The following PIP5K1A variants were observed in gnomAD, a reference collection of about 807,000 sequenced individuals.
PIP5K1A encodes the protein phosphatidylinositol 4-phosphate 5-kinase type-1 alpha.
In PIP5K1A, 46 loss-of-function variants were observed where a neutral mutation model predicts 72.9. The ratio of observed to expected loss-of-function variants is 0.63; its 90% confidence interval spans 0.50 to 0.81. The LOEUF (loss-of-function observed/expected upper bound fraction) is 0.81, where lower values mean the gene tolerates loss of function less well. Ranked by LOEUF, PIP5K1A falls within the 30% of genes least tolerant of loss-of-function variation. The probability of loss-of-function intolerance (pLI) is 0.00; values close to 1 mark genes in which losing one functional copy is unlikely to be tolerated. For missense variants in PIP5K1A, 458 were observed against 706.1 expected, an observed-to-expected ratio of 0.65 and a Z score of 3.98; for synonymous variants, 228 against 255.1, an observed-to-expected ratio of 0.89 and a Z score of 1.01.
At chr1:151,223,076 C>T (rs934901482) in intron 1 of PIP5K1A, among the ~76,000 whole-genome samples, 5 of 151,970 alleles carry the variant, frequency 3.3e-5, no homozygotes, top group Admixed American at 2.6e-4. Flanking sequence ...ATTAGCCAGG[C>T]GCAGTGGCTC....
chr1:151,198,883 G>C lies in PIP5K1A; in HGVS notation c.-114G>C. On this transcript the variant is annotated 5_prime_UTR_variant, in exon 1 of 16. Transcript: ENST00000368888. ...AGGGAGGCCCCGGAGGGGGCGGGGAGGTGGCCCACAGAACGCGGGTTCTGT... is the reference window on the plus strand; with the variant it reads ...AGGGAGGCCCCGGAGGGGGCGGGGACGTGGCCCACAGAACGCGGGTTCTGT... 1 of 1,013,370 alleles carries C rather than the reference G, an allele frequency of 9.9e-7. No homozygotes were observed. The highest frequency in any genetic ancestry group is 1.4e-5 in the South Asian group (1 of 72,138). The allele number at this position is 1,013,370 out of a possible 1,614,324, so 62.8% of individuals were successfully genotyped here.
intron 1 of PIP5K1A, among the ~76,000 whole-genome samples, chr1:151,219,429 A>G (rs1484552087): frequency 6.6e-6 from 1 of 150,972 alleles, no homozygotes; most frequent in Non-Finnish European, 1.5e-5. Flanking sequence ...GCTCATGCCT[A>G]TAATCCCAGC....
At chr1:151,214,632 C>T (rs997023641) in intron 1 of PIP5K1A, among the ~76,000 whole-genome samples, 5 of 151,898 alleles carry the variant, frequency 3.3e-5, no homozygotes, top group African/African-American at 4.8e-5. Context: ...CCGCTTGCCT[C>T]AGCCTCCCAA....
intron 7 of PIP5K1A, chr1:151,233,364 C>G (rs948344522): frequency 6.6e-6 from 1 of 152,152 alleles, no homozygotes; most frequent in Admixed American, 6.6e-5. Context: ...AGTACAGTTG[C>G]ACAATCTCGG....
At chr1:151,234,136 T>G in intron 7 of PIP5K1A, 61 bp from the exon 8 acceptor site, 1 of 1,323,868 alleles carries the variant, frequency 7.6e-7, no homozygotes, top group Non-Finnish European at 1.1e-6. Flanking sequence ...CTTTTACTGG[T>G]GAGTTTCACT....
chr1:151,229,502 C>T (rs1420449407), intron 4 of PIP5K1A, among the ~76,000 whole-genome samples: 7 of 151,368 alleles, frequency 4.6e-5, no homozygotes, highest in African/African-American at 1.7e-4. Context: ...GCTGGGATTA[C>T]AGGCATGCAC....
chr1:151,241,996 A>G, intron 12 of PIP5K1A, 127 bp from the exon 13 acceptor site: 1 of 846,470 alleles, frequency 1.2e-6, no homozygotes, highest in Non-Finnish European at 1.9e-6. Context: ...CTTTGTTGAC[A>G]TTAGCCTTTT....
chr1:151,216,256 G>A (rs1036318375), intron 1 of PIP5K1A, among the ~76,000 whole-genome samples: 15 of 151,890 alleles, frequency 9.9e-5, no homozygotes, highest in Admixed American at 9.9e-4. Context: ...GGCTGAGACA[G>A]GAGAATGGCG....
At chr1:151,211,044 G>A (rs1316144308) in intron 1 of PIP5K1A, among the ~76,000 whole-genome samples, 1 of 152,170 alleles carries the variant, frequency 6.6e-6, no homozygotes, top group Non-Finnish European at 1.5e-5. Flanking sequence ...TCAAACATTA[G>A]AGTCAGTCAC....
intron 14 of PIP5K1A, among the ~76,000 whole-genome samples, chr1:151,243,662 A>T (rs1389818897): frequency 6.6e-6 from 1 of 152,008 alleles, no homozygotes; most frequent in Non-Finnish European, 1.5e-5. Context: ...TCAAAGCTAG[A>T]GTGTGTTTTT....
chr1:151,236,395 G>T (rs1007202652), intron 8 of PIP5K1A, among the ~76,000 whole-genome samples, 163 bp from the exon 9 acceptor site: 1 of 152,080 alleles, frequency 6.6e-6, no homozygotes, highest in Non-Finnish European at 1.5e-5. Context: ...TGGATATTTT[G>T]AGCCTGGGAG....
chr1:151,215,621 C>G (rs914819905), intron 1 of PIP5K1A, among the ~76,000 whole-genome samples: 2 of 152,134 alleles, frequency 1.3e-5, no homozygotes, highest in Admixed American at 6.6e-5. Context: ...CCTCTGCGCC[C>G]GGCATTCTTT....
chr1:151,198,802 A>G lies in PIP5K1A; in HGVS notation c.-195A>G, dbSNP rs1040680143. On this transcript the variant is annotated 5_prime_UTR_variant, in exon 1 of 16. It removes an upstream start codon present in the reference 5' UTR. Transcript: ENST00000368888. Reference sequence around the variant, plus strand: ...GGGTGCGGGACGTGAGTTCTTCCCCATGCCAGGCGAATGGTGTGGCCTTGA... The same window carrying G: ...GGGTGCGGGACGTGAGTTCTTCCCCGTGCCAGGCGAATGGTGTGGCCTTGA... 9 of 658,864 alleles carry G rather than the reference A, an allele frequency of 1.4e-5. No individual in the cohort carries two copies. Among genetic ancestry groups the G allele is most frequent in the African/African-American group, 1.1e-4 (6 of 55,644 alleles). The allele number at this position is 658,864 out of a possible 1,614,324, so 40.8% of individuals were successfully genotyped here.
At chr1:151,212,360 C>T (rs1686944017) in intron 1 of PIP5K1A, among the ~76,000 whole-genome samples, 1 of 152,140 alleles carries the variant, frequency 6.6e-6, no homozygotes, top group African/African-American at 2.4e-5. Flanking sequence ...TCCTTCCTCT[C>T]AATAGTGAAT....
intron 14 of PIP5K1A, among the ~76,000 whole-genome samples, chr1:151,246,032 A>G (rs1692452435): frequency 6.6e-6 from 1 of 152,152 alleles, no homozygotes; most frequent in Non-Finnish European, 1.5e-5. Flanking sequence ...GGATCACCTG[A>G]GGCCAGAAGT....
intron 14 of PIP5K1A, among the ~76,000 whole-genome samples, chr1:151,245,864 T>C (rs944533348): frequency 1.3e-5 from 2 of 152,172 alleles, no homozygotes; most frequent in Admixed American, 6.5e-5. Flanking sequence ...ATTTTTGTTA[T>C]AGCAGCACCT....
At position 151,236,667 on chromosome 1, in the gene PIP5K1A, C is replaced by A. The variant is rs1416622412; in HGVS notation, c.1049C>A (p.Thr350Asn). ...LSSETQYSVDTRRPAPQKALY... is the reference protein window; with the variant it reads ...LSSETQYSVDNRRPAPQKALY... ...AGTGAAACACAGTACTCAGTTGATA[C>A]TCGAAGACCGGCCCCCCAAAAGGCT... Residue 350 changes from threonine to asparagine, a missense_variant, in exon 9 of 16, where the codon ACT (threonine) becomes AAT (asparagine). Physicochemically the swap from Thr to Asn is moderately conservative, Grantham distance 65. Transcript: ENST00000368888. 2.5e-6 allele frequency: 4 copies of A among 1,613,756 alleles called. No individual in the cohort carries two copies. The highest frequency in any genetic ancestry group is 3.4e-6 in the Non-Finnish European group (4 of 1,179,882).
chr1:151,233,111 A>G (rs1243379469), intron 7 of PIP5K1A, among the ~76,000 whole-genome samples: 8 of 151,218 alleles, frequency 5.3e-5, no homozygotes, highest in African/African-American at 1.7e-4. Context: ...AAAAAAAAAA[A>G]AAAAAAATGT....
At chr1:151,198,205 T>C, upstream of PIP5K1A, 2 of 426,028 alleles carry the variant, frequency 4.7e-6, no homozygotes, top group South Asian at 3.4e-5. Context: ...TGGTATTAAA[T>C]GTTTTGTGAT....
Sources: allele counts gnomAD v4.1 joint callset (sites outside exome capture counted in the v4.1 genomes callset), GRCh38; gene constraint gnomAD v4.1.1; transcripts MANE v1.5; gene names NCBI Gene and HGNC (gene_info 2026-07-23, HGNC 2026-07-21).